The following GLT1D1 variants were observed in gnomAD, a reference collection of about 807,000 sequenced individuals.
GLT1D1 encodes glycosyltransferase 1 domain-containing protein 1.
Under a neutral mutation model 28.7 loss-of-function variants are expected in GLT1D1, and 21 were observed. That is an observed-to-expected ratio of 0.73 (90% CI 0.52 to 1.05). The LOEUF (loss-of-function observed/expected upper bound fraction) is 1.05. Among genes scored for constraint, GLT1D1 ranks in the 50% least tolerant of loss-of-function variants. The probability of loss-of-function intolerance (pLI) is 0.00; values close to 1 mark genes in which losing one functional copy is unlikely to be tolerated. For missense variants in GLT1D1, 343 were observed against 330.6 expected (o/e 1.04, Z -0.29); for synonymous variants, 147 against 124.8 (o/e 1.18, Z -1.19).
intron 4 of GLT1D1, among the ~76,000 whole-genome samples, chr12:128,920,914 A>T (rs922511105): frequency 1.3e-5 from 2 of 152,240 alleles, no homozygotes; most frequent in South Asian, 2.1e-4. Flanking sequence ...TATTAAAAAA[A>T]TTAGTCAGGT....
intron 2 of GLT1D1, among the ~76,000 whole-genome samples, chr12:128,876,371 C>T (rs898946561): frequency 6.6e-6 from 1 of 152,182 alleles, no homozygotes; most frequent in Admixed American, 6.5e-5. Flanking sequence ...TGCAGTGATA[C>T]AATCTCGGCT....
intron 7 of GLT1D1, among the ~76,000 whole-genome samples, chr12:128,981,159 C>T (rs909942721): frequency 1.1e-4 from 16 of 152,192 alleles, no homozygotes; most frequent in Non-Finnish European, 1.6e-4. Context: ...GCAGCCAAGA[C>T]GTTGCTTACT....
chr12:128,979,582 C>T (rs1352475996), intron 7 of GLT1D1, among the ~76,000 whole-genome samples: 5 of 152,084 alleles, frequency 3.3e-5, no homozygotes, highest in African/African-American at 9.7e-5. Context: ...AGTGAAACCC[C>T]GTCTCCAGAA....
chr12:128,861,280 A>G (rs1046457599), intron 1 of GLT1D1, among the ~76,000 whole-genome samples: 5 of 152,260 alleles, frequency 3.3e-5, no homozygotes, highest in African/African-American at 1.2e-4. Context: ...TCAGGGGCAG[A>G]ATGGAGTAGT....
intron 6 of GLT1D1, among the ~76,000 whole-genome samples, chr12:128,947,819 T>C (rs973122585): frequency 2.0e-5 from 3 of 152,132 alleles, no homozygotes; most frequent in African/African-American, 7.2e-5. Flanking sequence ...TACTTGATCT[T>C]TTCTCTTTCT....
At chr12:128,861,080 G>GCC (rs34832645) in intron 1 of GLT1D1, among the ~76,000 whole-genome samples, 1 of 151,868 alleles carries the variant, frequency 6.6e-6, no homozygotes, top group East Asian at 1.9e-4. Flanking sequence ...TTCAAAGGGT[G>GCC]CCCCCCGTTA....
rs112559257 is a variant in GLT1D1 at position 128,947,751 on chromosome 12, G to T, written c.540+293G>T. 3.7e-3 allele frequency among the ~76,000 whole-genome samples: 557 copies of T among 152,318 alleles called. 5 individuals carry two copies. Among genetic ancestry groups the T allele is most frequent in the African/African-American group, 0.012 (517 of 41,568 alleles). On this transcript the variant is annotated intron_variant, in intron 6 of 7. Transcript: ENST00000281703. ...TATCTCTGACAGGAAGGCAGCTAAGGTTACAAAAGATTGAGACAGGAAACA... is the reference window on the plus strand; with the variant it reads ...TATCTCTGACAGGAAGGCAGCTAAGTTTACAAAAGATTGAGACAGGAAACA...
intron 6 of GLT1D1, 109 bp from the exon 11 acceptor site, chr12:128,957,435 GC>G (rs1877416441): frequency 1.5e-6 from 1 of 658,740 alleles, no homozygotes; most frequent in Non-Finnish European, 2.8e-6. Context: ...TTTGTGAGGT[GC>G]CAGAGGTCCA....
chr12:128,871,331 A>AGTT (rs1956684063), intron 1 of GLT1D1, among the ~76,000 whole-genome samples: 1 of 152,186 alleles, frequency 6.6e-6, no homozygotes, highest in African/African-American at 2.4e-5. Context: ...CCTGCTGGTC[A>AGTT]GTTACCTTCA....
At chr12:128,905,005 G>A (rs1870702713) in intron 4 of GLT1D1, among the ~76,000 whole-genome samples, 1 of 152,116 alleles carries the variant, frequency 6.6e-6, no homozygotes, top group African/African-American at 2.4e-5. Flanking sequence ...CTGACCTCAA[G>A]TGATCTGCCC....
At chr12:128,874,103 TC>T (rs1566091154) in intron 1 of GLT1D1, among the ~76,000 whole-genome samples, 3 of 42,330 alleles carry the variant, frequency 7.1e-5, no homozygotes, top group African/African-American at 2.9e-4. Flanking sequence ...TTTCTTTCTC[TC>T]TCTCTCTCTC....
intron 3 of GLT1D1, among the ~76,000 whole-genome samples, chr12:128,891,696 A>G (rs138839672): frequency 6.6e-6 from 1 of 152,252 alleles, no homozygotes; most frequent in African/African-American, 2.4e-5. Context: ...TGTAGGTGTC[A>G]GTCTCGCTTC....
In GLT1D1 at chr12:128,984,387, T is replaced by A. The variant is rs1327256327; in HGVS notation, c.*1297T>A. ...TGTTTTTAAAAGAAGTAGCCTCAAA[T>A]TAAACTCCTTAAACTCTGATGCCCT... On this transcript the variant is annotated 3_prime_UTR_variant, in exon 8 of 8. Coordinates refer to ENST00000281703, the MANE Select transcript of GLT1D1 (RefSeq NM_144669.3). The A allele has an allele frequency of 6.6e-6, 1 of 152,086 alleles. No individual in the cohort carries two copies. The highest frequency in any genetic ancestry group is 1.5e-5 in the Non-Finnish European group (1 of 67,998). The allele number at this position is 152,086 out of a possible 1,614,324, so 9.4% of individuals were successfully genotyped here.
intron 4 of GLT1D1, among the ~76,000 whole-genome samples, chr12:128,916,137 G>A (rs2135894058): frequency 6.6e-6 from 1 of 152,140 alleles, no homozygotes; most frequent in Non-Finnish European, 1.5e-5. Context: ...TTTTGTATCT[G>A]GCTTTCTTTG....
intron 4 of GLT1D1, among the ~76,000 whole-genome samples, chr12:128,941,891 C>G (rs1442391057): frequency 7.8e-6 from 1 of 127,836 alleles, no homozygotes; most frequent in East Asian, 2.4e-4. Flanking sequence ...CGTGCCTGGT[C>G]TCTCTCTCTC....
intron 4 of GLT1D1, among the ~76,000 whole-genome samples, chr12:128,912,069 G>A (rs1414954829): frequency 3.3e-5 from 5 of 152,112 alleles, no homozygotes; most frequent in African/African-American, 9.7e-5. Context: ...GCAGGGGCGG[G>A]AGCTGCATCA....
At chr12:128,978,476 C>T (rs470622) in intron 7 of GLT1D1, among the ~76,000 whole-genome samples, 9,550 of 152,182 alleles carry the variant, frequency 0.063, 1,012 homozygotes, top group African/African-American at 0.22. Context: ...GCAGTGGATC[C>T]GGGCTCCCCA....
At chr12:128,901,664 C>T (rs1176465985) in intron 4 of GLT1D1, among the ~76,000 whole-genome samples, 3 of 150,662 alleles carry the variant, frequency 2.0e-5, no homozygotes, top group East Asian at 4.0e-4. Context: ...CTCGAACTCC[C>T]GACCTTGTGA....
intron 4 of GLT1D1, among the ~76,000 whole-genome samples, chr12:128,941,905 CTTTTTTTT>C (rs60663875): frequency 5.3e-5 from 4 of 75,364 alleles, no homozygotes; most frequent in East Asian, 4.3e-4. Context: ...CTCTCTCTCT[CTTTTTTTT>C]TTTTTTTTTT....
Sources: allele counts gnomAD v4.1 joint callset (sites outside exome capture counted in the v4.1 genomes callset), GRCh38; gene constraint gnomAD v4.1.1; transcripts MANE v1.5; gene names NCBI Gene and HGNC (gene_info 2026-07-23, HGNC 2026-07-21).